The following CRY2 variants were observed in gnomAD, a reference collection of about 807,000 sequenced individuals.
CRY2 encodes the protein cryptochrome-2.
In CRY2, 31 loss-of-function variants were observed where a neutral mutation model predicts 69.5. The ratio of observed to expected loss-of-function variants is 0.45; its 90% CI spans 0.34 to 0.60. The LOEUF is 0.60. Ranked by LOEUF, CRY2 falls within the 20% of genes least tolerant of loss-of-function variation. The pLI, the probability that CRY2 is intolerant of heterozygous loss-of-function variation, is 0.02. For synonymous variants in CRY2, 303 were observed against 312.2 expected (o/e 0.97, Z 0.31); for missense variants, 606 against 797.8 (o/e 0.76, Z 2.90).
intron 1 of CRY2, among the ~76,000 whole-genome samples, chr11:45,848,602 A>G (rs1412423726): frequency 2.0e-5 from 3 of 152,180 alleles, no homozygotes; most frequent in Non-Finnish European, 4.4e-5. Context: ...AAAGATGAAC[A>G]GGTCGTTAGT....
At chr11:45,860,099 C>T (rs1205541224) in intron 3 of CRY2, among the ~76,000 whole-genome samples, 3 of 152,170 alleles carry the variant, frequency 2.0e-5, no homozygotes, top group Non-Finnish European at 4.4e-5. Context: ...TCCATACCAT[C>T]CCAATTCATC....
At chr11:45,851,377 G>T (rs2086198360) in intron 1 of CRY2, among the ~76,000 whole-genome samples, 3 of 152,206 alleles carry the variant, frequency 2.0e-5, no homozygotes, top group Admixed American at 2.0e-4. Flanking sequence ...ATTGGTAAAT[G>T]AGGTAAACTG....
At chr11:45,868,878 C>G (rs889696708) in intron 6 of CRY2, among the ~76,000 whole-genome samples, 1 of 152,076 alleles carries the variant, frequency 6.6e-6, no homozygotes, top group Non-Finnish European at 1.5e-5. Flanking sequence ...TCAGGCCATC[C>G]ACCCACCTCA....
At chr11:45,871,509 G>A (rs1185158183) in intron 10 of CRY2, among the ~76,000 whole-genome samples, 2 of 152,182 alleles carry the variant, frequency 1.3e-5, no homozygotes, top group African/African-American at 2.4e-5. Flanking sequence ...AAAGCTCCCT[G>A]GCCTGCTGGG....
At chr11:45,877,308 A>G (rs773439230) in intron 11 of CRY2, among the ~76,000 whole-genome samples, 5 of 152,188 alleles carry the variant, frequency 3.3e-5, no homozygotes, top group Non-Finnish European at 7.3e-5. Context: ...GCCCAATATG[A>G]TGGGGAGAGG....
chr11:45,851,236 C>T (rs541736467), intron 1 of CRY2, among the ~76,000 whole-genome samples: 61 of 152,192 alleles, frequency 4.0e-4, no homozygotes, highest in Non-Finnish European at 7.9e-4. Flanking sequence ...TAGGTGTTAG[C>T]AACAGTTCCT....
At chr11:45,860,398 A>AC (rs896180955) in intron 3 of CRY2, among the ~76,000 whole-genome samples, 2 of 151,374 alleles carry the variant, frequency 1.3e-5, no homozygotes, top group African/African-American at 4.9e-5. Context: ...AAAAAAAAAA[A>AC]AAAAAAAACA....
At chr11:45,864,079 GC>G (rs2086310587) in intron 5 of CRY2, among the ~76,000 whole-genome samples, 1 of 152,122 alleles carries the variant, frequency 6.6e-6, no homozygotes, top group Non-Finnish European at 1.5e-5. Context: ...AGCATTATGT[GC>G]CCCCTGTAGT....
At chr11:45,850,999 G>A (rs927794770) in intron 1 of CRY2, among the ~76,000 whole-genome samples, 2 of 151,434 alleles carry the variant, frequency 1.3e-5, no homozygotes, top group Non-Finnish European at 2.9e-5. Flanking sequence ...GGAAGTTTAC[G>A]GGCTAATTGT....
chr11:45,869,901 A>C, intron 7 of CRY2, 84 bp downstream of exon 7: 1 of 1,522,212 alleles, frequency 6.6e-7, no homozygotes, highest in South Asian at 1.3e-5. Context: ...CTGAGGGATG[A>C]GGTGGGATTT....
At chr11:45,857,659 G>A (rs546844400) in intron 2 of CRY2, among the ~76,000 whole-genome samples, 2 of 152,220 alleles carry the variant, frequency 1.3e-5, no homozygotes, top group East Asian at 1.9e-4. Context: ...ATGCTGCAGT[G>A]GAAAAAAGAC....
intron 1 of CRY2, among the ~76,000 whole-genome samples, chr11:45,854,679 A>C (rs1283881786): frequency 6.6e-6 from 1 of 152,062 alleles, no homozygotes; most frequent in Non-Finnish European, 1.5e-5. Context: ...ACAGAGCGAG[A>C]CTCTGTCTCA....
chr11:45,847,238 T>C (rs1565053464), upstream of CRY2: 1 of 1,551,112 alleles, frequency 6.4e-7, no homozygotes, highest in Non-Finnish European at 8.7e-7. Flanking sequence ...CCAGCCTGCG[T>C]CACTTGTCCG....
chr11:45,857,675 G>A (rs1017374540), intron 2 of CRY2, among the ~76,000 whole-genome samples: 3 of 152,202 alleles, frequency 2.0e-5, no homozygotes, highest in Admixed American at 6.5e-5. Flanking sequence ...AAGACAAGGT[G>A]CAGAAGAATT....
chr11:45,871,476 G>C (rs138854804), intron 10 of CRY2, among the ~76,000 whole-genome samples: 1 of 152,148 alleles, frequency 6.6e-6, no homozygotes, highest in Non-Finnish European at 1.5e-5. Flanking sequence ...GTAGGGCAGG[G>C]CATGATTGGA....
At chr11:45,849,176 T>C (rs2086174823) in intron 1 of CRY2, among the ~76,000 whole-genome samples, 1 of 152,172 alleles carries the variant, frequency 6.6e-6, no homozygotes, top group South Asian at 2.1e-4. Flanking sequence ...AGATTAAAAA[T>C]CAACAATAAA....
intron 11 of CRY2, among the ~76,000 whole-genome samples, chr11:45,873,950 C>G (rs1317700881): frequency 6.6e-6 from 1 of 152,200 alleles, no homozygotes; most frequent in Non-Finnish European, 1.5e-5. Flanking sequence ...GACTCAGTTT[C>G]CTCACCTATA....
At chr11:45,879,888 A>G (rs180942937) in intron 11 of CRY2, among the ~76,000 whole-genome samples, 38 of 152,332 alleles carry the variant, frequency 2.5e-4, no homozygotes, top group Middle Eastern at 3.4e-3. Context: ...ATAAACAGCC[A>G]TCTTCTCCCT....
chr11:45,878,647 G>A (rs1404932660), intron 11 of CRY2, among the ~76,000 whole-genome samples: 4 of 152,316 alleles, frequency 2.6e-5, no homozygotes, highest in Non-Finnish European at 5.9e-5. Flanking sequence ...ACACAGCCAG[G>A]TGCGGTGGCT....
Sources: gnomAD v4.1 joint callset for allele counts (sites outside exome capture counted in the v4.1 genomes callset) on GRCh38, gnomAD v4.1.1 for gene constraint, MANE v1.5 for transcripts, NCBI Gene and HGNC (gene_info 2026-07-23, HGNC 2026-07-21) for gene names.